Variants in CDH9 observed in about 807,000 individuals in gnomAD.
CDH9 encodes the protein cadherin-9.
A neutral mutation model predicts 70.9 loss-of-function variants in CDH9; 28 were observed. The ratio of observed to expected loss-of-function variants is 0.40; its 90% CI spans 0.29 to 0.54. The LOEUF is 0.54. Among genes scored for constraint, CDH9 ranks in the 20% least tolerant of loss-of-function variants. The pLI is 0.59. For synonymous variants in CDH9, 409 were observed against 343.1 expected (o/e 1.19, Z -2.12); for missense variants, 874 against 984.4 (o/e 0.89, Z 1.50).
intron 1 of CDH9, among the ~76,000 whole-genome samples, chr5:26,999,336 A>G (rs1477314439): frequency 6.6e-6 from 1 of 152,204 alleles, no homozygotes; most frequent in Non-Finnish European, 1.5e-5. Context: ...ATATGCAATG[A>G]CTTCTCTTCA....
chr5:26,894,970 T>G (rs1579667595), intron 7 of CDH9, among the ~76,000 whole-genome samples: 1 of 152,116 alleles, frequency 6.6e-6, no homozygotes, highest in East Asian at 1.9e-4. Context: ...TTGCTTTATA[T>G]TTTTATGTTC....
At chr5:26,989,809 T>A (rs1742550903) in intron 1 of CDH9, among the ~76,000 whole-genome samples, 1 of 152,152 alleles carries the variant, frequency 6.6e-6, no homozygotes, top group Non-Finnish European at 1.5e-5. Flanking sequence ...CTTGGCTTTG[T>A]GCCCTACTGT....
chr5:26,951,218 G>C (rs541371868), intron 2 of CDH9, among the ~76,000 whole-genome samples: 16 of 150,072 alleles, frequency 1.1e-4, no homozygotes, highest in African/African-American at 3.7e-4. Context: ...ACTTGAACCC[G>C]GGAGGTGGAG....
chr5:26,895,379 C>A (rs1411041401), intron 7 of CDH9, among the ~76,000 whole-genome samples: 2 of 151,868 alleles, frequency 1.3e-5, no homozygotes, highest in African/African-American at 2.4e-5. Flanking sequence ...TAAAATCAAG[C>A]AAATATGAGA....
At chr5:26,984,143 A>G (rs1742450875) in intron 2 of CDH9, among the ~76,000 whole-genome samples, 1 of 152,152 alleles carries the variant, frequency 6.6e-6, no homozygotes, top group African/African-American at 2.4e-5. Flanking sequence ...GATTACATTC[A>G]TGATTTCAGA....
chr5:26,952,696 C>T (rs558659629), intron 2 of CDH9, among the ~76,000 whole-genome samples: 2 of 147,262 alleles, frequency 1.4e-5, no homozygotes, highest in African/African-American at 5.0e-5. Flanking sequence ...GGGCTTGGTC[C>T]TCATGAAAAG....
At chr5:26,930,585 G>T (rs919132005) in intron 2 of CDH9, among the ~76,000 whole-genome samples, 1 of 152,056 alleles carries the variant, frequency 6.6e-6, no homozygotes, top group Non-Finnish European at 1.5e-5. Context: ...TGATCAGTTG[G>T]ACATATGCAT....
intron 2 of CDH9, among the ~76,000 whole-genome samples, chr5:26,937,696 T>G (rs1479502169): frequency 6.6e-6 from 1 of 152,130 alleles, no homozygotes; most frequent in African/African-American, 2.4e-5. Context: ...AAATTCATGT[T>G]GCTAAGACAA....
chr5:26,911,797 G>A (rs1302803847), intron 3 of CDH9, among the ~76,000 whole-genome samples: 2 of 152,046 alleles, frequency 1.3e-5, no homozygotes, highest in Admixed American at 6.6e-5. Flanking sequence ...GAATATGCTA[G>A]TGTATTTCAG....
intron 1 of CDH9, among the ~76,000 whole-genome samples, chr5:27,034,825 A>G (rs1250398212): frequency 6.6e-6 from 1 of 151,704 alleles, no homozygotes; most frequent in Non-Finnish European, 1.5e-5. Context: ...TAAGTGCATT[A>G]ACATGTTAGG....
intron 1 of CDH9, among the ~76,000 whole-genome samples, chr5:27,032,392 GTTAA>G (rs1743323778): frequency 6.6e-6 from 1 of 151,530 alleles, no homozygotes; most frequent in African/African-American, 2.4e-5. Context: ...TATTATAATA[GTTAA>G]TTATTTAATT....
chr5:26,988,523 G>A (rs3811918), intron 1 of CDH9, 141 bp from the exon 2 acceptor site: 2 of 616,106 alleles, frequency 3.2e-6, no homozygotes, highest in Non-Finnish European at 4.7e-6. Flanking sequence ...ATCAGTGAAC[G>A]GTCATGAAAA....
chr5:26,977,483 GTGTATA>G (rs150071342), intron 2 of CDH9, among the ~76,000 whole-genome samples: 7,873 of 141,442 alleles, frequency 0.056, 729 homozygotes, highest in African/African-American at 0.22. Flanking sequence ...GTGTGTGTGT[GTGTATA>G]TATATATATA....
intron 2 of CDH9, among the ~76,000 whole-genome samples, chr5:26,955,229 C>T (rs1741926372): frequency 6.6e-6 from 1 of 152,084 alleles, no homozygotes; most frequent in African/African-American, 2.4e-5. Context: ...TCTGGTATTT[C>T]AAGGAAATGT....
intron 2 of CDH9, among the ~76,000 whole-genome samples, chr5:26,940,007 A>T (rs755990107): frequency 2.0e-5 from 3 of 151,880 alleles, no homozygotes; most frequent in Non-Finnish European, 4.4e-5. Context: ...ATGCAAACAA[A>T]AATTATCCAA....
At chr5:27,030,136 GTCT>G (rs1490264034) in intron 1 of CDH9, among the ~76,000 whole-genome samples, 2 of 151,852 alleles carry the variant, frequency 1.3e-5, no homozygotes, top group Admixed American at 6.6e-5. Context: ...GAGTAGACAG[GTCT>G]TCTTGTTAGT....
intron 11 of CDH9, among the ~76,000 whole-genome samples, chr5:26,884,031 T>G (rs1740519268): frequency 6.6e-6 from 1 of 152,128 alleles, no homozygotes; most frequent in African/African-American, 2.4e-5. Context: ...CTTTAATAAC[T>G]TTGCAAATAT....
intron 2 of CDH9, among the ~76,000 whole-genome samples, chr5:26,940,759 T>A (rs1741646611): frequency 1.3e-5 from 2 of 152,206 alleles, no homozygotes; most frequent in African/African-American, 4.8e-5. Flanking sequence ...ACAGTGGAAT[T>A]GATTTTGAAA....
chr5:26,902,136 C>T (rs1740864781), intron 7 of CDH9, among the ~76,000 whole-genome samples: 1 of 151,922 alleles, frequency 6.6e-6, no homozygotes, highest in South Asian at 2.1e-4. Context: ...CTGCCTGGTT[C>T]TTAAAATCAG....
Sources: gnomAD v4.1 joint callset for allele counts (sites outside exome capture counted in the v4.1 genomes callset) on GRCh38, gnomAD v4.1.1 for gene constraint, MANE v1.5 for transcripts, NCBI Gene and HGNC (gene_info 2026-07-23, HGNC 2026-07-21) for gene names.